Variants in CRB1 observed in about 807,000 individuals in gnomAD.
CRB1 encodes crumbs cell polarity complex component 1, also known as protein crumbs homolog 1.
CRB1 carries 83 observed loss-of-function variants against 120.0 expected under a neutral mutation model. The ratio of observed to expected loss-of-function variants is 0.69; its 90% CI spans 0.58 to 0.83. The LOEUF is 0.83. Ranked by LOEUF, CRB1 falls within the 40% of genes least tolerant of loss-of-function variation. CRB1 has a pLI of 0.00. For synonymous variants in CRB1, 625 were observed against 612.5 expected, an observed-to-expected ratio of 1.02 and a Z score of -0.30; for missense variants, 1,699 against 1,687.6, an observed-to-expected ratio of 1.01 and a Z score of -0.12.
chr1:197,474,133 T>C (rs140804210), intron 11 of CRB1, among the ~76,000 whole-genome samples: 1 of 152,248 alleles, frequency 6.6e-6, no homozygotes, highest in African/African-American at 2.4e-5. Context: ...GGTATACTAA[T>C]GACTACTAAT....
chr1:197,266,923 C>T (rs1228672853), upstream of CRB1, among the ~76,000 whole-genome samples: 1 of 151,828 alleles, frequency 6.6e-6, no homozygotes, highest in African/African-American at 2.4e-5. Context: ...CTTTTTAGAA[C>T]GAATGGAGAT....
intron 4 of CRB1, among the ~76,000 whole-genome samples, chr1:197,355,217 A>G (rs1660397672): frequency 6.6e-6 from 1 of 151,960 alleles, no homozygotes; most frequent in Non-Finnish European, 1.5e-5. Context: ...AGCTAGATAC[A>G]GAGTGCCCAT....
chr1:197,434,604 T>A (rs1242431211), intron 8 of CRB1, 102 bp from the exon 9 acceptor site: 1 of 1,038,220 alleles, frequency 9.6e-7, no homozygotes, highest in Non-Finnish European at 1.5e-6. Context: ...AAATAGTCAA[T>A]ATGCAATGTT....
At chr1:197,347,198 T>C (rs1659823827) in intron 3 of CRB1, 142 bp from the exon 4 acceptor site, 1 of 766,396 alleles carries the variant, frequency 1.3e-6, no homozygotes, top group Non-Finnish European at 2.3e-6. Flanking sequence ...CATTCAGTCC[T>C]GTATAGATAA....
intron 5 of CRB1, among the ~76,000 whole-genome samples, chr1:197,369,504 A>G (rs997630059): frequency 6.6e-6 from 1 of 152,082 alleles, no homozygotes; most frequent in African/African-American, 2.4e-5. Context: ...CCTTTCTCAA[A>G]AGAGGTTTTA....
chr1:197,379,964 T>C (rs1661863869), intron 5 of CRB1, among the ~76,000 whole-genome samples: 1 of 152,244 alleles, frequency 6.6e-6, no homozygotes, highest in African/African-American at 2.4e-5. Context: ...CTTTGTGCAC[T>C]TTTTCATGAG....
intron 5 of CRB1, among the ~76,000 whole-genome samples, chr1:197,407,909 A>T (rs1473749104): frequency 6.6e-6 from 1 of 152,204 alleles, no homozygotes; most frequent in East Asian, 1.9e-4. Flanking sequence ...TTGAATAAAG[A>T]CTAAAGTTGT....
chr1:197,271,483 T>C (rs1429532658), intron 1 of CRB1, among the ~76,000 whole-genome samples: 3 of 152,222 alleles, frequency 2.0e-5, no homozygotes, highest in Non-Finnish European at 1.5e-5. Flanking sequence ...TTTCTGTTCC[T>C]GAGCAGGTAG....
chr1:197,457,758 C>G (rs927032966), intron 11 of CRB1, among the ~76,000 whole-genome samples: 1 of 152,096 alleles, frequency 6.6e-6, no homozygotes, highest in African/African-American at 2.4e-5. Flanking sequence ...CTCAGAAGAA[C>G]AAAAAGCACA....
chr1:197,378,270 C>T (rs748996247), intron 5 of CRB1, among the ~76,000 whole-genome samples: 4 of 152,068 alleles, frequency 2.6e-5, no homozygotes, highest in African/African-American at 4.8e-5. Context: ...TTTTCAAATT[C>T]GATCAAACAA....
chr1:197,250,097 T>A, the CRB1 span, among the ~76,000 whole-genome samples: 1 of 152,020 alleles, frequency 6.6e-6, no homozygotes, highest in Admixed American at 6.6e-5. Flanking sequence ...AGTGTTTTAA[T>A]GTTTTATTAT....
chr1:197,255,582 G>T, the CRB1 span, among the ~76,000 whole-genome samples: 1 of 152,046 alleles, frequency 6.6e-6, no homozygotes, highest in Non-Finnish European at 1.5e-5. Context: ...ACAGTTGAAT[G>T]CATCTTGATT....
chr1:197,374,891 C>T (rs1056326816), intron 5 of CRB1, among the ~76,000 whole-genome samples: 15 of 152,068 alleles, frequency 9.9e-5, no homozygotes, highest in African/African-American at 3.4e-4. Flanking sequence ...ATGTTTTTTC[C>T]TCCTCCCACC....
At chr1:197,295,220 G>T (rs1656451428) in intron 1 of CRB1, among the ~76,000 whole-genome samples, 1 of 151,940 alleles carries the variant, frequency 6.6e-6, no homozygotes, top group African/African-American at 2.4e-5. Flanking sequence ...GTCTTTAAAT[G>T]TTGTCATGTT....
intron 11 of CRB1, chr1:197,447,393 G>T (rs1665750779): frequency 6.6e-6 from 1 of 152,188 alleles, no homozygotes. Context: ...ACATAATTAT[G>T]CAATTGTGTA....
Position 197,378,974 on chromosome 1 carries a change from A to G in CRB1, c.1171+21961A>G, listed in dbSNP as rs1409480303. Among the ~76,000 whole-genome samples the G allele has an allele frequency of 2.6e-5, 4 of 152,330 alleles. No individual in the cohort carries two copies. In the East Asian group the frequency reaches 7.7e-4, roughly 29 times the overall value. Reference sequence around the variant, plus strand: ...ATGACTAGTGCCAGTGTAGTTAGTGACAGAGGCAAAATTCAGTTCAATCAT... The same window carrying G: ...ATGACTAGTGCCAGTGTAGTTAGTGGCAGAGGCAAAATTCAGTTCAATCAT... On this transcript the variant is annotated intron_variant, in intron 5 of 11. Transcript: ENST00000367400.
chr1:197,444,400 A>C (rs1665601340), intron 11 of CRB1: 1 of 152,172 alleles, frequency 6.6e-6, no homozygotes, highest in Non-Finnish European at 1.5e-5. Context: ...ATTTGTTCCA[A>C]AGTTAAATTT....
At chr1:197,363,032 G>A (rs1242958215) in intron 5 of CRB1, among the ~76,000 whole-genome samples, 2 of 151,552 alleles carry the variant, frequency 1.3e-5, no homozygotes, top group Non-Finnish European at 2.9e-5. Flanking sequence ...ATATTACTCT[G>A]TGTAATTTTC....
At position 197,427,335 on chromosome 1, in the gene CRB1, GT is replaced by G. The variant is rs968324905; in HGVS notation, c.2129-118del. On this transcript the variant is annotated intron_variant, in intron 6 of 11. Coordinates refer to ENST00000367400, the MANE Select transcript of CRB1 (RefSeq NM_201253.3). ...AACTTTAAAAGCTATGTATGAGTGT[GT>G]ATGCTTGTGTGCATGTGTGTGTGTG... is the stretch of plus-strand genomic sequence containing the variant. 6.5e-6 allele frequency: 5 copies of G among 769,442 alleles called. No homozygotes were observed. The Admixed American group carries it at 1.0e-4, about 15-fold the overall frequency. The allele number at this position is 769,442 out of a possible 1,614,324, so 47.7% of individuals were successfully genotyped here.
Sources: gnomAD v4.1 joint callset for allele counts (sites outside exome capture counted in the v4.1 genomes callset) on GRCh38, gnomAD v4.1.1 for gene constraint, MANE v1.5 for transcripts, NCBI Gene and HGNC (gene_info 2026-07-23, HGNC 2026-07-21) for gene names.